Variants in DPP6 observed in about 807,000 individuals in gnomAD.
The protein encoded by DPP6 is A-type potassium channel modulatory protein DPP6.
Under a neutral mutation model 122.6 loss-of-function variants are expected in DPP6, and 69 were observed. The observed-to-expected ratio is 0.56, with a 90% CI of 0.46 to 0.69. DPP6 has a LOEUF of 0.69. DPP6 is among the 30% of genes least tolerant of loss of function. The pLI is 0.00. For synonymous variants in DPP6, 418 were observed against 433.1 expected (o/e 0.97, Z 0.43); for missense variants, 928 against 1,116.9 (o/e 0.83, Z 2.41).
At chr7:154,085,008 A>AC (rs1804299537) in intron 1 of DPP6, among the ~76,000 whole-genome samples, 1 of 137,402 alleles carries the variant, frequency 7.3e-6, no homozygotes, top group African/African-American at 2.9e-5. Context: ...AAAAAAAAAA[A>AC]AAACAGGTGC....
intron 1 of DPP6, among the ~76,000 whole-genome samples, chr7:154,081,353 C>T (rs1187659056): frequency 6.8e-6 from 1 of 146,682 alleles, no homozygotes; most frequent in African/African-American, 2.5e-5. Flanking sequence ...CTGATGCCTC[C>T]AGGGTGGATT....
intron 1 of DPP6, among the ~76,000 whole-genome samples, chr7:154,031,059 CCTCCCTGGCTATTACCT>C (rs1051880568): frequency 2.0e-5 from 3 of 151,472 alleles, no homozygotes; most frequent in African/African-American, 4.9e-5. Context: ...GTTGTCTTAT[CCTCCCTGGCTATTACCT>C]CTCCCTGGCT....
At chr7:154,570,132 T>A (rs1421325435) in intron 5 of DPP6, among the ~76,000 whole-genome samples, 1 of 151,956 alleles carries the variant, frequency 6.6e-6, no homozygotes, top group Non-Finnish European at 1.5e-5. Context: ...GTCTTGGCAG[T>A]GGCTCAAGTA....
In DPP6 at chr7:153,891,401, G is replaced by A. The variant is rs182242768; in HGVS notation, c.51+3667G>A. On this transcript the variant is annotated intron_variant, in intron 1 of 25. Coordinates refer to the DPP6 transcript ENST00000404039. ...CTGTGAGAATTCACAGACTAACCATGCCATATTCAATCTGTAATTTAATAT... is the reference window on the plus strand; with the variant it reads ...CTGTGAGAATTCACAGACTAACCATACCATATTCAATCTGTAATTTAATAT... Among the ~76,000 whole-genome samples, 361 of 152,074 alleles carry A rather than the reference G, an allele frequency of 2.4e-3. 1 individual carries two copies. Among genetic ancestry groups the A allele is most frequent in the Non-Finnish European group, 2.0e-3 (137 of 67,986 alleles).
intron 1 of DPP6, among the ~76,000 whole-genome samples, chr7:153,890,844 A>G (rs997767064): frequency 8.0e-6 from 1 of 125,644 alleles, no homozygotes; most frequent in African/African-American, 3.2e-5. Flanking sequence ...GGCGTGCACC[A>G]CCATGCCTGG....
At chr7:154,239,344 C>G (rs1801420913) in intron 1 of DPP6, among the ~76,000 whole-genome samples, 1 of 152,130 alleles carries the variant, frequency 6.6e-6, no homozygotes, top group African/African-American at 2.4e-5. Flanking sequence ...CGGAGCAGTT[C>G]CACTTATATG....
chr7:154,841,550 C>T (rs1410688059), intron 16 of DPP6, among the ~76,000 whole-genome samples: 8 of 151,984 alleles, frequency 5.3e-5, no homozygotes, highest in East Asian at 1.9e-4. Flanking sequence ...CCCAAAGGTA[C>T]GAGCTGAATT....
intron 1 of DPP6, among the ~76,000 whole-genome samples, chr7:154,164,372 G>A (rs763042716): frequency 7.9e-5 from 12 of 151,942 alleles, no homozygotes; most frequent in East Asian, 1.9e-4. Context: ...ATGACTGTGC[G>A]ATTATCTCCA....
intron 1 of DPP6, among the ~76,000 whole-genome samples, chr7:154,061,924 C>T (rs1390318695): frequency 1.5e-5 from 2 of 132,842 alleles, no homozygotes; most frequent in Non-Finnish European, 3.3e-5. Flanking sequence ...GCTCTGAGGA[C>T]CCCCATCGCA....
intron 1 of DPP6, among the ~76,000 whole-genome samples, chr7:153,906,867 G>A (rs906310490): frequency 6.6e-6 from 1 of 152,144 alleles, no homozygotes; most frequent in African/African-American, 2.4e-5. Context: ...GTATTCCATC[G>A]TGTATACGTA....
At position 154,751,323 on chromosome 7, in the gene DPP6, G is replaced by A. The variant is rs111242651; in HGVS notation, c.884-18094G>A. On this transcript the variant is annotated intron_variant, in intron 8 of 25. Coordinates refer to ENST00000377770, the MANE Select transcript of DPP6 (RefSeq NM_130797.4). The stretch of plus-strand genomic sequence containing the variant: ...TATCTATCGATAAGGAAAACTGGCC[G>A]GCACGATGGCTCATGCCTGTAATCC... Among the ~76,000 whole-genome samples the A allele has an allele frequency of 8.2e-3, 1,251 of 152,178 alleles. 14 individuals are homozygous for A. The highest frequency in any genetic ancestry group is 0.028 in the African/African-American group (1,164 of 41,522).
At chr7:153,945,032 A>G (rs1256615805) in intron 1 of DPP6, among the ~76,000 whole-genome samples, 1 of 151,966 alleles carries the variant, frequency 6.6e-6, no homozygotes, top group Non-Finnish European at 1.5e-5. Flanking sequence ...GTTCTTTCCC[A>G]CAGGTGTTGG....
At chr7:153,922,663 T>C (rs1186987089) in intron 1 of DPP6, among the ~76,000 whole-genome samples, 1 of 152,252 alleles carries the variant, frequency 6.6e-6, no homozygotes, top group Non-Finnish European at 1.5e-5. Context: ...GTAATTTTTC[T>C]TTATAAAGTG....
intron 3 of DPP6, among the ~76,000 whole-genome samples, chr7:154,510,704 A>AC (rs1554574414): frequency 2.6e-5 from 4 of 151,994 alleles, no homozygotes; most frequent in Non-Finnish European, 4.4e-5. Context: ...CAAAAAAAAA[A>AC]AAAATAGTGT....
At chr7:154,273,770 G>A (rs188388532) in intron 1 of DPP6, among the ~76,000 whole-genome samples, 64 of 152,262 alleles carry the variant, frequency 4.2e-4, no homozygotes, top group Non-Finnish European at 7.8e-4. Flanking sequence ...ATGTAGCGAG[G>A]ACATTATAGT....
At chr7:154,210,639 T>C (rs1325578614) in intron 1 of DPP6, among the ~76,000 whole-genome samples, 1 of 152,050 alleles carries the variant, frequency 6.6e-6, no homozygotes, top group African/African-American at 2.4e-5. Flanking sequence ...CAGAAATTCG[T>C]TAATGAAGTG....
chr7:154,188,830 A>G (rs773041561), intron 1 of DPP6, among the ~76,000 whole-genome samples: 44 of 152,370 alleles, frequency 2.9e-4, no homozygotes, highest in Non-Finnish European at 4.9e-4. Flanking sequence ...ATACAATAGG[A>G]TACTTCATCA....
chr7:153,964,802 C>T (rs1795558107), intron 1 of DPP6, among the ~76,000 whole-genome samples: 1 of 48,498 alleles, frequency 2.1e-5, no homozygotes. Context: ...CTTTCCTTTC[C>T]TTTCCTTTCC....
chr7:154,489,710 A>C (rs73726902), intron 3 of DPP6, among the ~76,000 whole-genome samples: 8,636 of 151,910 alleles, frequency 0.057, 805 homozygotes, highest in African/African-American at 0.19. Context: ...ATATTTTGGG[A>C]TCCTCTGAAA....
Sources: allele counts gnomAD v4.1 joint callset (sites outside exome capture counted in the v4.1 genomes callset), GRCh38; gene constraint gnomAD v4.1.1; transcripts MANE v1.5; gene names NCBI Gene and HGNC (gene_info 2026-07-23, HGNC 2026-07-21).